ABCA1: variants seen among roughly 807,000 people sequenced by gnomAD.
ABCA1 encodes the protein phospholipid-transporting ATPase ABCA1.
In ABCA1, 133 loss-of-function variants were observed where a neutral mutation model predicts 262.5. The ratio of observed to expected loss-of-function variants is 0.51; its 90% CI spans 0.44 to 0.59. The LOEUF is 0.59. Among genes scored for constraint, ABCA1 ranks in the 20% least tolerant of loss-of-function variants. The pLI is 0.00. For missense variants in ABCA1, 2,452 were observed against 2,777.5 expected (o/e 0.88, Z 2.63); for synonymous variants, 1,022 against 1,043.5 (o/e 0.98, Z 0.40).
In ABCA1 at chr9:104,784,389, T is replaced by A; in HGVS notation, c.6712A>T (p.Asn2238Tyr). The change falls in exon 50 of 50, where the codon AAC (asparagine) becomes TAC (tyrosine). Residue 2238 changes from asparagine (N) to tyrosine (Y), a missense_variant. Physicochemically the swap from Asn to Tyr is moderately radical, Grantham distance 143. Transcript: ENST00000374736. ...DHLKDLSLHK[N>Y]QTVVDVAVLT... ...ACTGCAACGTCCACTACTGTCTGGT[T>A]TTTGTGTAATGAGAGGTCTTTTAAG... is the stretch of plus-strand genomic sequence containing the variant. 1 of 1,614,106 alleles carries A rather than the reference T, an allele frequency of 6.2e-7. No homozygotes were observed.
chr9:104,856,216 A>C (rs888018621), intron 7 of ABCA1: 3 of 1,403,662 alleles, frequency 2.1e-6, no homozygotes, highest in Non-Finnish European at 2.8e-6. Flanking sequence ...GTCACATTTC[A>C]AAATGTTTGG....
At chr9:104,843,119 T>A (rs972182377) in intron 8 of ABCA1, among the ~76,000 whole-genome samples, 53 of 152,200 alleles carry the variant, frequency 3.5e-4, no homozygotes, top group African/African-American at 1.2e-3. Flanking sequence ...CACCTTCTCA[T>A]GCTCTATGCC....
chr9:104,856,985 T>C (rs2472383), intron 7 of ABCA1, among the ~76,000 whole-genome samples: 58,412 of 151,976 alleles, frequency 0.38, 13,072 homozygotes, highest in African/African-American at 0.63. Context: ...CAAAGATCCC[T>C]GTAGAGAAAT....
In ABCA1 at chr9:104,827,019, T is replaced by C; in HGVS notation, c.2266A>G (p.Thr756Ala). The change falls in exon 16 of 50, where the codon ACG (threonine) becomes GCG (alanine). Residue 756 changes from threonine to alanine, a missense_variant. By Grantham distance (58) the Thr-to-Ala change is moderately conservative. This residue lies in a region of ABCA1 where 1,032 missense variants were observed against 1,089.7 expected (regional missense o/e 0.95). Transcript: ENST00000374736. ...AAACGGIIYFTLYLPYVLCVA... is the reference protein window; with the variant it reads ...AAACGGIIYFALYLPYVLCVA... ...CACAGGACGTAGGGCAGGTACAGCG[T>C]GAAGTAGATGATGCCCCCACAGGCT... The C allele has an allele frequency of 6.2e-7, 1 of 1,614,092 alleles. No homozygotes were observed.
chr9:104,809,470 T>C lies in ABCA1; in HGVS notation c.4270A>G (p.Ile1424Val). 1 of 1,614,138 alleles carries C rather than the reference T, an allele frequency of 6.2e-7. No homozygotes were observed. The change falls in exon 30 of 50, where the codon ATC becomes GTC. Residue 1424 changes from isoleucine to valine, a missense_variant. By Grantham distance (29) the Ile-to-Val change is conservative (BLOSUM62 3). Transcript: ENST00000374736. ...FGTRCMEGNP[I>V]PDTPCQAGEE... ...TATGGCTAAAGTGGCACTCACGGGA[T>C]TGGGTTTCCTTCCATACAGCGGGTC...
chr9:104,808,575 T>C (rs1830996498), intron 30 of ABCA1, among the ~76,000 whole-genome samples: 1 of 152,188 alleles, frequency 6.6e-6, no homozygotes, highest in African/African-American at 2.4e-5. Flanking sequence ...AACTATCCAA[T>C]ACTAATTAAG....
rs925691032 is a variant in ABCA1, at chr9:104,783,733, G to A, written c.*582C>T. 6.5e-6 allele frequency: 1 copy of A among 153,900 alleles called. No individual in the cohort carries two copies. The highest frequency in any genetic ancestry group is 1.4e-5 in the Non-Finnish European group (1 of 68,994). 9.5% of individuals were successfully genotyped at this position (153,900 alleles called of 1,614,324 possible). ...ACCATTCTGTCAACTGATATTCAAT[G>A]TTGATAGACTCTGAGCAGAGCAGCT... On this transcript the variant is annotated 3_prime_UTR_variant, in exon 50 of 50. Transcript: ENST00000374736.
At chr9:104,865,168 T>G (rs1241561896) in intron 5 of ABCA1, among the ~76,000 whole-genome samples, 1 of 152,182 alleles carries the variant, frequency 6.6e-6, no homozygotes, top group African/African-American at 2.4e-5. Flanking sequence ...CAAACATGAC[T>G]GCCCGTTAGA....
intron 46 of ABCA1, 176 bp downstream of exon 46, chr9:104,787,744 C>T: frequency 1.2e-6 from 1 of 801,552 alleles, no homozygotes; most frequent in Non-Finnish European, 1.5e-6. Flanking sequence ...AGGCATGGTA[C>T]AGCCACCCCA....
chr9:104,795,246 A>G (rs1829796865), intron 39 of ABCA1, among the ~76,000 whole-genome samples: 1 of 152,208 alleles, frequency 6.6e-6, no homozygotes, highest in Non-Finnish European at 1.5e-5. Context: ...GGCCTACAGG[A>G]GCATGGTGGT....
chr9:104,870,501 A>T (rs1219083372), intron 5 of ABCA1, among the ~76,000 whole-genome samples: 1 of 152,226 alleles, frequency 6.6e-6, no homozygotes, highest in Non-Finnish European at 1.5e-5. Context: ...GTAAGGCAAT[A>T]GCACACCTGC....
intron 11 of ABCA1, among the ~76,000 whole-genome samples, chr9:104,834,438 T>C (rs1287015754): frequency 6.7e-6 from 1 of 149,328 alleles, no homozygotes; most frequent in Non-Finnish European, 1.5e-5. Context: ...GACACAAAAT[T>C]GTACCTCACA....
At position 104,821,446 on chromosome 9, in the gene ABCA1, G is replaced by A. The variant is rs1832338533; in HGVS notation, c.2889C>T (p.Asp963=). 6.2e-7 allele frequency: 1 copy of A among 1,614,136 alleles called. No homozygotes were observed. Among genetic ancestry groups the A allele is most frequent in the Non-Finnish European group, 8.5e-7 (1 of 1,180,024 alleles). Residue 963 remains aspartate, a synonymous_variant, in exon 20 of 50, where the codon GAC becomes GAT. Transcript: ENST00000374736. ...GGATGGTGCTCATCTCAGAGCGAAT[G>A]TCTTTTCCCAGGATGTAGGCGGTGC... The part of the protein sequence containing the change: ...TSGTAYILGK[D]IRSEMSTIRQ...
chr9:104,895,267 T>C (rs768770791), intron 2 of ABCA1, among the ~76,000 whole-genome samples: 26 of 152,228 alleles, frequency 1.7e-4, no homozygotes, highest in Non-Finnish European at 3.7e-4. Context: ...AGCACCACTT[T>C]GCACTTCCCA....
At chr9:104,924,384 C>T (rs1377254377) in intron 1 of ABCA1, among the ~76,000 whole-genome samples, 1 of 151,820 alleles carries the variant, frequency 6.6e-6, no homozygotes, top group Non-Finnish European at 1.5e-5. Flanking sequence ...CTGAGGCTGG[C>T]AGATCACTTG....
At chr9:104,878,523 CCCAG>C (rs1838341982) in intron 5 of ABCA1, among the ~76,000 whole-genome samples, 1 of 152,200 alleles carries the variant, frequency 6.6e-6, no homozygotes, top group South Asian at 2.1e-4. Flanking sequence ...GTGATTTATT[CCCAG>C]AATATCCCTT....
intron 17 of ABCA1, among the ~76,000 whole-genome samples, chr9:104,825,352 A>C (rs1310804150): frequency 6.6e-6 from 1 of 152,232 alleles, no homozygotes; most frequent in Non-Finnish European, 1.5e-5. Context: ...AAAGCTGGTT[A>C]CTTAACGTCT....
Position 104,854,935 on chromosome 9 carries a change from T to C in ABCA1, c.720+3587A>G, listed in dbSNP as rs564765315. On this transcript the variant is annotated intron_variant, in intron 7 of 49. Transcript: ENST00000374736. The stretch of plus-strand genomic sequence containing the variant: ...TAAGAACTGAATAAATATTGCTCAA[T>C]GCATGAGTAAGATTTTTAAGTAAAA... Among the ~76,000 whole-genome samples the C allele has an allele frequency of 3.9e-5, 6 of 152,336 alleles. No individual in the cohort carries two copies. In the East Asian group the frequency reaches 1.2e-3, roughly 29 times the overall value.
intron 48 of ABCA1, 146 bp from the exon 49 acceptor site, chr9:104,785,785 T>G: frequency 1.1e-6 from 1 of 888,882 alleles, no homozygotes; most frequent in Non-Finnish European, 1.7e-6. Context: ...GAACCAGTTA[T>G]CATTTACTAA....
Sources: allele counts gnomAD v4.1 joint callset (sites outside exome capture counted in the v4.1 genomes callset), GRCh38; gene constraint gnomAD v4.1.1; regional missense constraint gnomAD v4.1.1; transcripts MANE v1.5; gene names NCBI Gene and HGNC (gene_info 2026-07-23, HGNC 2026-07-21).